The following PRKG1 variants were observed in gnomAD, a reference collection of about 807,000 sequenced individuals.
PRKG1 encodes the protein cGMP-dependent protein kinase 1.
A neutral mutation model predicts 88.1 loss-of-function variants in PRKG1; 35 were observed. That is an observed-to-expected ratio of 0.40 (90% CI 0.30 to 0.53). The LOEUF is 0.53. Ranked by LOEUF, PRKG1 falls within the 20% of genes least tolerant of loss-of-function variation. PRKG1 has a pLI of 0.59. For synonymous variants in PRKG1, 303 were observed against 292.5 expected, an observed-to-expected ratio of 1.04 and a Z score of -0.37; for missense variants, 540 against 839.8, an observed-to-expected ratio of 0.64 and a Z score of 4.41.
intron 2 of PRKG1, among the ~76,000 whole-genome samples, chr10:51,222,181 C>T (rs1315893690): frequency 6.6e-6 from 1 of 151,140 alleles, no homozygotes; most frequent in Non-Finnish European, 1.5e-5. Flanking sequence ...CCACCGCGCC[C>T]AGCCTGTTTC....
chr10:51,514,225 G>A (rs547354881), intron 3 of PRKG1, among the ~76,000 whole-genome samples: 3 of 151,782 alleles, frequency 2.0e-5, no homozygotes, highest in Middle Eastern at 3.4e-3. Flanking sequence ...ACACCTCTAT[G>A]CAAATAAACT....
At chr10:51,731,383 A>C (rs1842268085) in intron 3 of PRKG1, among the ~76,000 whole-genome samples, 1 of 152,180 alleles carries the variant, frequency 6.6e-6, no homozygotes, top group South Asian at 2.1e-4. Flanking sequence ...AAATGGAAAC[A>C]AAGTGGTGTC....
intron 3 of PRKG1, among the ~76,000 whole-genome samples, chr10:51,573,565 A>G (rs1024425707): frequency 1.3e-5 from 2 of 151,850 alleles, no homozygotes; most frequent in African/African-American, 2.4e-5. Flanking sequence ...ACAGAAACCA[A>G]TTTACCATGA....
Position 52,157,293 on chromosome 10 carries a change from G to A in PRKG1, c.1002-4596G>A, listed in dbSNP as rs531336439. On this transcript the variant is annotated intron_variant, in intron 8 of 17. Transcript: ENST00000373980. ...ACACATATATACATATATATATTGT[G>A]TGTGAGTTAGTTGATATATATATAT... Among the ~76,000 whole-genome samples, 6 of 132,342 alleles carry A rather than the reference G, an allele frequency of 4.5e-5. No homozygotes were observed. In the South Asian group the frequency reaches 1.2e-3, roughly 26 times the overall value. 86.8% of individuals were successfully genotyped at this position (132,342 alleles called of 152,430 possible).
intron 2 of PRKG1, among the ~76,000 whole-genome samples, chr10:51,327,142 TG>T (rs1811222739): frequency 6.6e-6 from 1 of 152,070 alleles, no homozygotes; most frequent in African/African-American, 2.4e-5. Flanking sequence ...AGGCTGGGCA[TG>T]GTGGCTCACG....
chr10:51,477,919 T>C (rs1840244154), intron 3 of PRKG1, among the ~76,000 whole-genome samples: 1 of 152,032 alleles, frequency 6.6e-6, no homozygotes, highest in Admixed American at 6.6e-5. Context: ...AACTTGTACA[T>C]GAGGCACTGA....
chr10:51,607,139 A>G (rs1838787511), intron 3 of PRKG1, among the ~76,000 whole-genome samples: 1 of 152,228 alleles, frequency 6.6e-6, no homozygotes, highest in Admixed American at 6.5e-5. Flanking sequence ...TTAAATGTGC[A>G]TATCGAATTA....
chr10:51,383,354 G>A (rs987143252), intron 2 of PRKG1, among the ~76,000 whole-genome samples: 6 of 152,066 alleles, frequency 3.9e-5, no homozygotes, highest in Non-Finnish European at 5.9e-5. Flanking sequence ...AAAGATGAGG[G>A]AAGAGGACAA....
intron 2 of PRKG1, among the ~76,000 whole-genome samples, chr10:51,169,778 A>G (rs1846650793): frequency 6.6e-6 from 1 of 152,124 alleles, no homozygotes; most frequent in African/African-American, 2.4e-5. Flanking sequence ...GAAATTATCT[A>G]ACCTTTTTAG....
chr10:51,674,882 A>T (rs1475316102), intron 3 of PRKG1, among the ~76,000 whole-genome samples: 1 of 152,184 alleles, frequency 6.6e-6, no homozygotes, highest in Non-Finnish European at 1.5e-5. Flanking sequence ...GAATGCATAA[A>T]TATTAATATG....
In PRKG1 at chr10:51,124,071, T is replaced by C. The variant is rs558068798; in HGVS notation, c.312-29093T>C. On this transcript the variant is annotated intron_variant, in intron 1 of 17. Transcript: ENST00000373980. The stretch of plus-strand genomic sequence containing the variant: ...CTGGAGATTAGAATTCAACATGAGA[T>C]TGGATGGGGACAGAGATCCAAACAC... 3.3e-5 allele frequency among the ~76,000 whole-genome samples: 5 copies of C among 152,184 alleles called. No homozygotes were observed. In the South Asian group the frequency reaches 8.3e-4, roughly 25 times the overall value.
intron 5 of PRKG1, among the ~76,000 whole-genome samples, chr10:52,043,565 G>C (rs1845796790): frequency 6.6e-6 from 1 of 151,980 alleles, no homozygotes; most frequent in Non-Finnish European, 1.5e-5. Context: ...GAGAGGGTAG[G>C]AGAAAGGGAG....
rs1475846505 is a variant in PRKG1 at position 51,608,936 on chromosome 10, G to A, written c.592+141100G>A. Among the ~76,000 whole-genome samples the A allele has an allele frequency of 1.3e-5, 2 of 151,958 alleles. 1 individual carries two copies. The highest frequency in any genetic ancestry group is 3.9e-4 in the East Asian group (2 of 5,192). ...AAATAAGAAAAAGCTTATGGAATAA[G>A]GATATAAAAATATTTTTGTAGTGCT... On this transcript the variant is annotated intron_variant, in intron 3 of 17. Transcript: ENST00000373980.
At chr10:51,820,344 A>G (rs1411220398) in intron 4 of PRKG1, among the ~76,000 whole-genome samples, 1 of 152,030 alleles carries the variant, frequency 6.6e-6, no homozygotes, top group Admixed American at 6.6e-5. Context: ...TCTTTTTCTC[A>G]GTTTTAAGGA....
chr10:51,292,332 C>T (rs570937880), intron 2 of PRKG1, among the ~76,000 whole-genome samples: 1 of 152,292 alleles, frequency 6.6e-6, no homozygotes, highest in East Asian at 1.9e-4. Context: ...TCAAAGCTCA[C>T]TCCTCTTTCT....
intron 5 of PRKG1, among the ~76,000 whole-genome samples, chr10:51,934,459 C>T (rs145682360): frequency 1.2e-3 from 187 of 152,244 alleles, no homozygotes; most frequent in Non-Finnish European, 1.9e-3. Flanking sequence ...ATTTTGCATT[C>T]GTTAAGATAT....
At chr10:52,057,154 C>T (rs1846130096) in intron 6 of PRKG1, among the ~76,000 whole-genome samples, 2 of 152,150 alleles carry the variant, frequency 1.3e-5, no homozygotes. Context: ...TAGAGAGACA[C>T]AATAGGGGCT....
At chr10:51,130,165 G>A (rs1399584283) in intron 1 of PRKG1, among the ~76,000 whole-genome samples, 1 of 152,168 alleles carries the variant, frequency 6.6e-6, no homozygotes, top group Non-Finnish European at 1.5e-5. Flanking sequence ...AGTTGTTCAA[G>A]TCAGAAGCCT....
chr10:51,523,573 A>G (rs560394229), intron 3 of PRKG1, among the ~76,000 whole-genome samples: 97 of 152,276 alleles, frequency 6.4e-4, no homozygotes, highest in African/African-American at 2.2e-3. Context: ...TAGTTATAAA[A>G]CTAGAAAGGA....
Sources: gnomAD v4.1 joint callset for allele counts (sites outside exome capture counted in the v4.1 genomes callset) on GRCh38, gnomAD v4.1.1 for gene constraint, MANE v1.5 for transcripts, NCBI Gene and HGNC (gene_info 2026-07-23, HGNC 2026-07-21) for gene names.